The following MUSK variants were observed in gnomAD, a reference collection of about 807,000 sequenced individuals.
MUSK encodes muscle associated receptor tyrosine kinase, also known as muscle, skeletal receptor tyrosine-protein kinase.
MUSK carries 55 observed loss-of-function variants against 88.7 expected under a neutral mutation model. The ratio of observed to expected loss-of-function variants is 0.62; its 90% confidence interval spans 0.50 to 0.78. The LOEUF (loss-of-function observed/expected upper bound fraction) is 0.78, where lower values mean the gene tolerates loss of function less well. Among genes scored for constraint, MUSK ranks in the 30% least tolerant of loss-of-function variants. MUSK has a pLI of 0.00. For missense variants in MUSK, 1,015 were observed against 1,074.3 expected (o/e 0.94, Z 0.77); for synonymous variants, 387 against 391.9 (o/e 0.99, Z 0.15).
At chr9:110,690,043 A>G (rs1365160922) in intron 3 of MUSK, among the ~76,000 whole-genome samples, 1 of 95,056 alleles carries the variant, frequency 1.1e-5, no homozygotes, top group African/African-American at 4.4e-5. Flanking sequence ...TAATATAAGT[A>G]TAAATATATA....
chr9:110,790,842 T>C (rs2077961593), intron 14 of MUSK, among the ~76,000 whole-genome samples: 1 of 152,242 alleles, frequency 6.6e-6, no homozygotes, highest in Admixed American at 6.5e-5. Flanking sequence ...AACATGAGAC[T>C]GGTCAGCATG....
intron 7 of MUSK, among the ~76,000 whole-genome samples, chr9:110,757,989 G>GTC (rs897046450): frequency 2.6e-5 from 4 of 152,118 alleles, no homozygotes; most frequent in Admixed American, 2.6e-4. Context: ...TTGAGACAGA[G>GTC]TCTCTCTCTC....
intron 8 of MUSK, among the ~76,000 whole-genome samples, chr9:110,765,809 G>T (rs1376073401): frequency 6.6e-6 from 1 of 152,042 alleles, no homozygotes; most frequent in East Asian, 1.9e-4. Flanking sequence ...CCTGACCTCA[G>T]GTGATCCACC....
At chr9:110,683,230 T>C (rs528197027) in intron 2 of MUSK, among the ~76,000 whole-genome samples, 1 of 152,238 alleles carries the variant, frequency 6.6e-6, no homozygotes, top group Admixed American at 6.6e-5. Context: ...GAACATGCAA[T>C]GTTTGTCTTT....
intron 6 of MUSK, among the ~76,000 whole-genome samples, chr9:110,737,346 T>C (rs184002418): frequency 1.4e-4 from 21 of 151,868 alleles, no homozygotes; most frequent in Admixed American, 1.2e-3. Context: ...AAATATATTT[T>C]AAAATCAATA....
In MUSK at chr9:110,800,829, T is replaced by C. The variant is rs2078085144; in HGVS notation, c.2451T>C (p.Asp817=). Residue 817 remains aspartate, a synonymous_variant, in exon 15 of 15, where the codon GAT becomes GAC. Coordinates refer to ENST00000374448, the MANE Select transcript of MUSK (RefSeq NM_005592.4). Reference sequence around the variant, plus strand: ...AGGAGGTCATTTACTACGTGCGAGATGGCAACATCCTCTCCTGCCCTGAGA... The same window carrying C: ...AGGAGGTCATTTACTACGTGCGAGACGGCAACATCCTCTCCTGCCCTGAGA... ...AHEEVIYYVR[D]GNILSCPENC... 1 of 1,612,324 alleles carries C rather than the reference T, an allele frequency of 6.2e-7. No homozygotes were observed. Among genetic ancestry groups the C allele is most frequent in the Middle Eastern group, 1.7e-4 (1 of 6,050 alleles).
rs1372093923 is a variant in MUSK, at chr9:110,801,570, TA to T, written c.*583del. The T allele has an allele frequency of 6.6e-6, 1 of 152,228 alleles. No homozygotes were observed. Among genetic ancestry groups the T allele is most frequent in the Non-Finnish European group, 1.5e-5 (1 of 68,036 alleles). The allele number at this position is 152,228 out of a possible 1,614,324, so 9.4% of individuals were successfully genotyped here. ...ATTCTGCAGAGTTGTGGTTACATTT[TA>T]TTGATAGAGGGTTTCTAAGGAATGA... On this transcript the variant is annotated 3_prime_UTR_variant, in exon 15 of 15. Transcript: ENST00000374448.
intron 5 of MUSK, among the ~76,000 whole-genome samples, chr9:110,699,967 A>G (rs1168531447): frequency 6.6e-6 from 1 of 152,204 alleles, no homozygotes; most frequent in Non-Finnish European, 1.5e-5. Flanking sequence ...TGTTGTTACA[A>G]CTGTGAAAGA....
intron 3 of MUSK, among the ~76,000 whole-genome samples, chr9:110,689,953 TA>T (rs1420793889): frequency 6.7e-4 from 52 of 77,950 alleles, no homozygotes; most frequent in South Asian, 9.1e-4. Context: ...TATTTAAATA[TA>T]AATATATATT....
intron 7 of MUSK, 35 bp from the exon 8 acceptor site, chr9:110,762,167 T>C: frequency 7.1e-7 from 1 of 1,412,072 alleles, no homozygotes. Context: ...TCCTTTAATT[T>C]GACTTCCTGT....
At chr9:110,712,404 A>G (rs1192312324) in intron 5 of MUSK, among the ~76,000 whole-genome samples, 1 of 152,130 alleles carries the variant, frequency 6.6e-6, no homozygotes, top group East Asian at 1.9e-4. Context: ...TGGCCATATC[A>G]ATATACCTTC....
At chr9:110,711,261 A>G (rs186284729) in intron 5 of MUSK, among the ~76,000 whole-genome samples, 2 of 152,072 alleles carry the variant, frequency 1.3e-5, no homozygotes, top group African/African-American at 2.4e-5. Flanking sequence ...ATAATAATAA[A>G]AAAAATTTAG....
rs751393601 is a variant in MUSK at position 110,697,454 on chromosome 9, C to G, written c.616C>G (p.Leu206Val). ...GACAGCATATTCCAAAGTGGTGAAG[C>G]TGGAAGTTGAGGGTAAGGAGCTGCA... ...LGTAYSKVVK[L>V]EVEVFARILR... The change falls in exon 5 of 15, where the codon CTG becomes GTG. Residue 206 changes from leucine (L) to valine (V), a missense_variant. Coordinates refer to ENST00000374448, the MANE Select transcript of MUSK (RefSeq NM_005592.4). 1 of 1,607,594 alleles carries G rather than the reference C, an allele frequency of 6.2e-7. No individual in the cohort carries two copies. The highest frequency in any genetic ancestry group is 8.5e-7 in the Non-Finnish European group (1 of 1,176,376).
At chr9:110,767,777 G>C (rs2077506587) in intron 8 of MUSK, 43 bp from the exon 9 acceptor site, 1 of 1,609,890 alleles carries the variant, frequency 6.2e-7, no homozygotes, top group Non-Finnish European at 8.5e-7. Flanking sequence ...TGAATGCCAA[G>C]AAATAGCATG....
chr9:110,741,507 G>A (rs1228649815), intron 6 of MUSK, among the ~76,000 whole-genome samples: 2 of 152,056 alleles, frequency 1.3e-5, no homozygotes, highest in East Asian at 1.9e-4. Context: ...GTCAATGTGT[G>A]AAATTTTAGT....
chr9:110,713,262 C>CTTT lies in MUSK; in HGVS notation c.628+15809_628+15811dup, dbSNP rs67227503. On this transcript the variant is annotated intron_variant, in intron 5 of 14. Coordinates refer to ENST00000374448, the MANE Select transcript of MUSK (RefSeq NM_005592.4). ...GGTATCTTCTCTTGGACCTTTTTTT[C>CTTT]TTTTTTTTTTTTTTTGAGACAGAGT... is the stretch of plus-strand genomic sequence containing the variant. Among the ~76,000 whole-genome samples, 1,104 of 137,626 alleles carry CTTT rather than the reference C, an allele frequency of 8.0e-3. 33 individuals are homozygous for CTTT. The highest frequency in any genetic ancestry group is 0.044 in the Admixed American group (597 of 13,580). 90.3% of individuals were successfully genotyped at this position (137,626 alleles called of 152,430 possible). A position where few individuals can be genotyped will look rare whatever the true frequency, so the allele number is the denominator to read the frequency against.
chr9:110,771,856 G>T (rs2077579776), intron 9 of MUSK, among the ~76,000 whole-genome samples: 1 of 151,992 alleles, frequency 6.6e-6, no homozygotes, highest in African/African-American at 2.4e-5. Context: ...TTCCAATTTT[G>T]TTTGGTATTA....
At chr9:110,755,093 G>A (rs1239334644) in intron 7 of MUSK, among the ~76,000 whole-genome samples, 4 of 152,064 alleles carry the variant, frequency 2.6e-5, no homozygotes, top group Admixed American at 2.6e-4. Context: ...TTTTCCTATT[G>A]TCCAGCAAAT....
In MUSK at chr9:110,804,703, A is replaced by T. The variant is rs1379653331; in HGVS notation, c.*3715A>T. 6.6e-6 allele frequency among the ~76,000 whole-genome samples: 1 copy of T among 151,904 alleles called. No homozygotes were observed. The highest frequency in any genetic ancestry group is 1.5e-5 in the Non-Finnish European group (1 of 67,842). On this transcript the variant is annotated 3_prime_UTR_variant, in exon 15 of 15. Coordinates refer to ENST00000374448, the MANE Select transcript of MUSK (RefSeq NM_005592.4). ...AATAACATTTACTTATTTTCTTATA[A>T]AAGTAATATATTATGTTTGAAAAGA...
Sources: gnomAD v4.1 joint callset for allele counts (sites outside exome capture counted in the v4.1 genomes callset) on GRCh38, gnomAD v4.1.1 for gene constraint, MANE v1.5 for transcripts, NCBI Gene and HGNC (gene_info 2026-07-23, HGNC 2026-07-21) for gene names.